The following SMIM29 variants were observed in gnomAD, a reference collection of about 807,000 sequenced individuals.
SMIM29 encodes uncharacterized protein C6orf1.
SMIM29 carries 4 observed loss-of-function variants against 12.9 expected under a neutral mutation model. The observed-to-expected ratio is 0.31, with a 90% CI of 0.15 to 0.71. The LOEUF is 0.71. SMIM29 is among the 30% of genes least tolerant of loss of function. SMIM29 has a pLI of 0.70. For synonymous variants in SMIM29, 50 were observed against 52.0 expected (o/e 0.96, Z 0.17); for missense variants, 122 against 138.1 (o/e 0.88, Z 0.58).
At position 34,246,619 on chromosome 6, in the gene SMIM29, A is replaced by G. The variant is rs772286338; in HGVS notation, c.*184T>C. On this transcript the variant is annotated 3_prime_UTR_variant, in exon 5 of 5. Transcript: ENST00000476320. ...TGAGCTCAACACCCACAAAGGGCAG[A>G]AGGCCTGGGGGCAGTGAGGTGATGG... is the stretch of plus-strand genomic sequence containing the variant. 1.9e-6 allele frequency: 3 copies of G among 1,613,846 alleles called. No homozygotes were observed. The highest frequency in any genetic ancestry group is 2.5e-6 in the Non-Finnish European group (3 of 1,179,920).
Position 34,246,484 on chromosome 6 carries a change from G to A in SMIM29, c.*319C>T, listed in dbSNP as rs1762759571. 1 of 1,518,120 alleles carries A rather than the reference G, an allele frequency of 6.6e-7. No individual in the cohort carries two copies. Among genetic ancestry groups the A allele is most frequent in the South Asian group, 1.3e-5 (1 of 75,340 alleles). The allele number at this position is 1,518,120 out of a possible 1,614,324, so 94.0% of individuals were successfully genotyped here. On this transcript the variant is annotated 3_prime_UTR_variant, in exon 5 of 5. Transcript: ENST00000476320. ...GGAAACAACTCCAAAGCCTGCCTGG[G>A]GATTTGTGCCCAAGCCCAGCCCAGG...
chr6:34,246,874 G>A lies in SMIM29; in HGVS notation c.244-6C>T, dbSNP rs1387182858. The A allele has an allele frequency of 3.9e-5, 62 of 1,604,368 alleles. No individual in the cohort carries two copies. Among genetic ancestry groups the A allele is most frequent in the East Asian group, 1.3e-4 (6 of 44,722 alleles). ...CTCTGCCAGCCATGTACCACCTGTC[G>A]GGGAGGAGACCACACCACAAGGCTG... is the stretch of plus-strand genomic sequence containing the variant. On this transcript the variant is annotated splice_polypyrimidine_tract_variant and splice_region_variant and intron_variant, in intron 4 of 4. Transcript: ENST00000476320.
chr6:34,247,115 A>G lies in SMIM29; in HGVS notation c.172T>C (p.Tyr58His), dbSNP rs1255035583. The G allele has an allele frequency of 1.9e-6, 3 of 1,614,120 alleles. No individual in the cohort carries two copies. Among genetic ancestry groups the G allele is most frequent in the East Asian group, 2.2e-5 (1 of 44,878 alleles). ...AGTTCCTCAGCTGGGTCATAGCTGT[A>G]CATGGGGAGCAGGTGATGGCGCAGC... ...DRLRHHLLPM[Y>H]SYDPAEELHE... Residue 58 changes from tyrosine to histidine, a missense_variant, in exon 4 of 5, where the codon TAC becomes CAC. Physicochemically the swap from Tyr to His is moderately conservative, Grantham distance 83. Coordinates refer to ENST00000476320, the MANE Select transcript of SMIM29 (RefSeq NM_001008703.4).
chr6:34,247,275 AC>A, intron 3 of SMIM29, 126 bp from the exon 4 acceptor site: 1 of 1,563,398 alleles, frequency 6.4e-7, no homozygotes, highest in Non-Finnish European at 8.7e-7. Context: ...GACACACTAT[AC>A]CTCCAAGAAT....
At chr6:34,247,571 C>A in intron 2 of SMIM29, 79 bp from the exon 3 acceptor site, 1 of 1,524,736 alleles carries the variant, frequency 6.6e-7, no homozygotes, top group South Asian at 1.2e-5. Flanking sequence ...CCTCCACACC[C>A]TTCACTCCCT....
chr6:34,246,911 C>T (rs1248903475), intron 4 of SMIM29, 43 bp from the exon 5 acceptor site: 4 of 1,597,022 alleles, frequency 2.5e-6, no homozygotes, highest in East Asian at 2.2e-5. Flanking sequence ...GCTGTGTTCC[C>T]TGGGAGTCTG....
Position 34,246,962 on chromosome 6 carries a change from G to C in SMIM29, c.243+82C>G, listed in dbSNP as rs1762810534. On this transcript the variant is annotated intron_variant, in intron 4 of 4. Transcript: ENST00000476320. ...GCCCAAGTAAGCAGAACCAGGCTCT[G>C]GTTTCAGTGTGGACGAGTATGGCTG... 2.7e-5 allele frequency: 43 copies of C among 1,608,248 alleles called. No individual in the cohort carries two copies. In the South Asian group the frequency reaches 4.0e-4, roughly 15 times the overall value.
chr6:34,248,016 AG>A (rs1273087738), intron 1 of SMIM29, 152 bp from the exon 2 acceptor site: 78 of 985,318 alleles, frequency 7.9e-5, no homozygotes, highest in Admixed American at 3.7e-4. Flanking sequence ...GTGACCCTCC[AG>A]TGAGTCTTGG....
intron 1 of SMIM29, 151 bp downstream of exon 1, chr6:34,248,828 G>A: frequency 1.0e-6 from 1 of 985,738 alleles, no homozygotes; most frequent in Non-Finnish European, 1.2e-6. Context: ...ACAGGAGGTG[G>A]TTCCCACGGC....
chr6:34,247,216 C>T (rs372114780), intron 3 of SMIM29, 67 bp from the exon 4 acceptor site: 9 of 1,350,482 alleles, frequency 6.7e-6, no homozygotes, highest in South Asian at 4.9e-5. Context: ...CTGGCTGCCT[C>T]GTCTCCTCCC....
Position 34,247,158 on chromosome 6 carries a change from CA to C in SMIM29, c.138-10del, listed in dbSNP as rs757233895. ...GGCGCAGCCGGTCCACCCTGGGGAG[CA>C]GGGGAGGGGACTCAGCTAGGAGGTC... On this transcript the variant is annotated splice_polypyrimidine_tract_variant and intron_variant, in intron 3 of 4. Transcript: ENST00000476320. 1.2e-6 allele frequency: 2 copies of C among 1,613,886 alleles called. No homozygotes were observed. Among genetic ancestry groups the C allele is most frequent in the South Asian group, 2.2e-5 (2 of 91,088 alleles).
chr6:34,246,847 C>T lies in SMIM29; in HGVS notation c.265G>A (p.Gly89Ser). The change falls in exon 5 of 5, where the codon GGC (glycine) becomes AGC (serine). Residue 89 changes from glycine (G) to serine (S), a missense_variant. By Grantham distance (56) the Gly-to-Ser change is moderately conservative. Transcript: ENST00000476320. ...DPKVVHGWQS[G>S]YQHKRMPLLD... is the part of the protein sequence containing the mutation. The stretch of plus-strand genomic sequence containing the variant: ...AGTGGCATCCGCTTGTGCTGGTAGC[C>T]ACTCTGCCAGCCATGTACCACCTGT... 6 of 1,610,734 alleles carry T rather than the reference C, an allele frequency of 3.7e-6. No individual in the cohort carries two copies. The highest frequency in any genetic ancestry group is 5.1e-6 in the Non-Finnish European group (6 of 1,178,390).
In SMIM29 at chr6:34,247,739, A is replaced by C. The variant is rs1230501462; in HGVS notation, c.53T>G (p.Val18Gly). The C allele has an allele frequency of 2.2e-6, 3 of 1,365,310 alleles. No individual in the cohort carries two copies. Among genetic ancestry groups the C allele is most frequent in the African/African-American group, 1.5e-5 (1 of 67,472 alleles). 84.6% of individuals were successfully genotyped at this position (1,365,310 alleles called of 1,614,324 possible). Reference protein sequence around the residue: ...NAPQANSDSMVGYVLGPFFLI... With the variant: ...NAPQANSDSMGGYVLGPFFLI... The stretch of plus-strand genomic sequence containing the variant: ...GAAGAAGGGCCCCAACACATAGCCC[A>C]CCATGGAGTCGCTGTTGGCCTGGGG... The change falls in exon 2 of 5, where the codon GTG (valine) becomes GGG (glycine). Residue 18 changes from valine to glycine, a missense_variant. Val to Gly is a moderately radical substitution (Grantham distance 109). Coordinates refer to ENST00000476320, the MANE Select transcript of SMIM29 (RefSeq NM_001008703.4).
At chr6:34,246,930 A>G in intron 4 of SMIM29, 62 bp from the exon 5 acceptor site, 1 of 1,599,360 alleles carries the variant, frequency 6.3e-7, no homozygotes, top group South Asian at 1.1e-5. Context: ...TGCAGCACCC[A>G]GTTACAGCCC....
At chr6:34,248,546 AC>A in intron 1 of SMIM29, 1 of 985,454 alleles carries the variant, frequency 1.0e-6, no homozygotes, top group Non-Finnish European at 1.2e-6. Context: ...GCCTGAGCTG[AC>A]AGGCAGAGGT....
In SMIM29 at chr6:34,248,994, C is replaced by T; in HGVS notation, c.-89G>A. On this transcript the variant is annotated 5_prime_UTR_variant, in exon 1 of 5. Coordinates refer to ENST00000476320, the MANE Select transcript of SMIM29 (RefSeq NM_001008703.4). ...CATGCCTTACCTCCCGCCGCTGCAG[C>T]CCCGACAGGAACGCCCTCGGTTGGC... 2 of 985,600 alleles carry T rather than the reference C, an allele frequency of 2.0e-6. No homozygotes were observed. Among genetic ancestry groups the T allele is most frequent in the Non-Finnish European group, 2.4e-6 (2 of 830,052 alleles). The allele number at this position is 985,600 out of a possible 1,614,324, so 61.1% of individuals were successfully genotyped here. A position where few individuals can be genotyped will look rare whatever the true frequency, so the allele number is the denominator to read the frequency against.
At chr6:34,247,553 G>A in intron 2 of SMIM29, 61 bp from the exon 3 acceptor site, 1 of 1,545,048 alleles carries the variant, frequency 6.5e-7, no homozygotes, top group East Asian at 2.4e-5. Context: ...CAGGCAGAGA[G>A]AGGCCCACCT....
intron 1 of SMIM29, chr6:34,248,648 T>C (rs77988055): frequency 0.043 from 42,287 of 985,564 alleles, 1,034 homozygotes; most frequent in Non-Finnish European, 0.047. Context: ...CCAGGTTCGC[T>C]TGAGTCTCTA....
intron 4 of SMIM29, 66 bp downstream of exon 4, chr6:34,246,978 A>G: frequency 6.2e-7 from 1 of 1,611,654 alleles, no homozygotes; most frequent in Non-Finnish European, 8.5e-7. Context: ...AGTGTGGACG[A>G]GTATGGCTGG....
Sources: gnomAD v4.1 joint callset for allele counts on GRCh38, gnomAD v4.1.1 for gene constraint, MANE v1.5 for transcripts, NCBI Gene and HGNC (gene_info 2026-07-23, HGNC 2026-07-21) for gene names.